BTBD8: variants seen among roughly 807,000 people sequenced by gnomAD.
BTBD8 encodes BTB/POZ domain-containing protein 8.
In BTBD8, 110 loss-of-function variants were observed where a neutral mutation model predicts 162.9. The observed-to-expected ratio is 0.68, with a 90% CI of 0.58 to 0.79. The LOEUF is 0.79. Ranked by LOEUF, BTBD8 falls within the 30% of genes least tolerant of loss-of-function variation. The pLI is 0.00. For synonymous variants in BTBD8, 667 were observed against 716.1 expected (o/e 0.93, Z 1.10); for missense variants, 1,905 against 2,085.4 (o/e 0.91, Z 1.68).
At chr1:92,177,598 CAA>C in intron 14 of BTBD8, 52 bp downstream of exon 14, 1 of 1,238,238 alleles carries the variant, frequency 8.1e-7, no homozygotes, top group Non-Finnish European at 1.1e-6. Flanking sequence ...AAATTTCCTT[CAA>C]AAAACAAAAA....
chr1:92,145,694 T>C (rs560384478), intron 7 of BTBD8, among the ~76,000 whole-genome samples: 3 of 152,106 alleles, frequency 2.0e-5, no homozygotes, highest in Non-Finnish European at 4.4e-5. Flanking sequence ...AAAAATACCT[T>C]ACGTAGGCCG....
rs1235014364 is a variant in BTBD8 at position 92,178,315 on chromosome 1, A to G, written c.2445A>G (p.Val815=). The change falls in exon 16 of 18, where the codon GTA becomes GTG. Residue 815 remains valine, a synonymous_variant. Transcript: ENST00000636805. Reference sequence around the variant, plus strand: ...GAATGCAAATAATTTTTTTTAGTGTACTAAAGAAAGTCAGTGGCAAAGGAT... The same window carrying G: ...GAATGCAAATAATTTTTTTTAGTGTGCTAAAGAAAGTCAGTGGCAAAGGAT... ...HEQDTNVNNS[V]LKKVSGKGCS... is the part of the protein sequence containing the mutation. 6 of 1,548,982 alleles carry G rather than the reference A, an allele frequency of 3.9e-6. No homozygotes were observed. Among genetic ancestry groups the G allele is most frequent in the Non-Finnish European group, 5.2e-6 (6 of 1,146,128 alleles).
chr1:92,091,450 C>T (rs1341774133), intron 2 of BTBD8, among the ~76,000 whole-genome samples: 2 of 151,042 alleles, frequency 1.3e-5, no homozygotes, highest in Admixed American at 6.6e-5. Context: ...CTAATACACT[C>T]GTGTGTGTGT....
chr1:92,083,164 A>G (rs960843418), intron 1 of BTBD8, among the ~76,000 whole-genome samples: 1 of 151,514 alleles, frequency 6.6e-6, no homozygotes, highest in Non-Finnish European at 1.5e-5. Flanking sequence ...TGGTGGAGTC[A>G]GAATAAGAAC....
intron 5 of BTBD8, among the ~76,000 whole-genome samples, chr1:92,137,109 A>G (rs1649653941): frequency 6.6e-6 from 1 of 152,218 alleles, no homozygotes. Flanking sequence ...CAGGTATAGA[A>G]AATGAGTAAG....
Position 92,178,340 on chromosome 1 carries a change from T to C in BTBD8, c.2470T>C (p.Cys824Arg), listed in dbSNP as rs1650782949. Residue 824 changes from cysteine to arginine, a missense_variant, in exon 16 of 18, where the codon TGT (cysteine) becomes CGT (arginine). Coordinates refer to ENST00000636805, the MANE Select transcript of BTBD8 (RefSeq NM_001376131.1). Reference sequence around the variant, plus strand: ...ACTAAAGAAAGTCAGTGGCAAAGGATGTAGTGAGCCAGTACCACAGGCAAT... The same window carrying C: ...ACTAAAGAAAGTCAGTGGCAAAGGACGTAGTGAGCCAGTACCACAGGCAAT... ...SVLKKVSGKGCSEPVPQAILK... is the reference protein window; with the variant it reads ...SVLKKVSGKGRSEPVPQAILK... The C allele has an allele frequency of 6.4e-7, 1 of 1,551,326 alleles. No individual in the cohort carries two copies. The highest frequency in any genetic ancestry group is 1.4e-5 in the African/African-American group (1 of 73,024).
At chr1:92,100,700 C>G (rs955875217) in intron 2 of BTBD8, among the ~76,000 whole-genome samples, 1 of 152,016 alleles carries the variant, frequency 6.6e-6, no homozygotes, top group Admixed American at 6.6e-5. Context: ...AGCTCTGCCT[C>G]CTGGGTTCAA....
chr1:92,093,913 A>T (rs2101896826), intron 2 of BTBD8, among the ~76,000 whole-genome samples: 1 of 152,346 alleles, frequency 6.6e-6, no homozygotes, highest in Admixed American at 6.5e-5. Flanking sequence ...CATAGATCAA[A>T]TTTTTATACA....
intron 5 of BTBD8, 55 bp downstream of exon 5, chr1:92,129,831 A>C: frequency 7.0e-7 from 1 of 1,430,222 alleles, no homozygotes; most frequent in Non-Finnish European, 9.9e-7. Flanking sequence ...ATTGTATTTC[A>C]TACAAAGCAC....
intron 4 of BTBD8, among the ~76,000 whole-genome samples, chr1:92,121,271 T>A (rs1649203154): frequency 6.6e-6 from 1 of 152,232 alleles, no homozygotes; most frequent in African/African-American, 2.4e-5. Context: ...TATTTCGTGC[T>A]GAATTCAGTT....
At chr1:92,168,487 A>G (rs1309229280) in intron 11 of BTBD8, among the ~76,000 whole-genome samples, 1 of 152,274 alleles carries the variant, frequency 6.6e-6, no homozygotes, top group East Asian at 1.9e-4. Context: ...TTAATTAGGT[A>G]ATTACAAATT....
intron 3 of BTBD8, among the ~76,000 whole-genome samples, chr1:92,104,567 A>C (rs904612259): frequency 2.0e-5 from 3 of 152,156 alleles, no homozygotes; most frequent in Non-Finnish European, 4.4e-5. Context: ...CTCTATGGCA[A>C]CCCTTTAAAA....
chr1:92,179,966 C>T (rs1650836170), intron 16 of BTBD8, among the ~76,000 whole-genome samples: 1 of 151,952 alleles, frequency 6.6e-6, no homozygotes, highest in South Asian at 2.1e-4. Context: ...TATATTTTTG[C>T]AAATCCAGTT....
At chr1:92,124,945 T>G (rs1649313315) in intron 4 of BTBD8, among the ~76,000 whole-genome samples, 1 of 152,132 alleles carries the variant, frequency 6.6e-6, no homozygotes, top group South Asian at 2.1e-4. Context: ...AATTTAGAGT[T>G]GTCCCTATTT....
At chr1:92,127,316 G>C (rs1054230903) in intron 4 of BTBD8, among the ~76,000 whole-genome samples, 3 of 152,126 alleles carry the variant, frequency 2.0e-5, no homozygotes, top group Non-Finnish European at 2.9e-5. Context: ...CTACACTCCT[G>C]GTTGTTAATT....
intron 2 of BTBD8, among the ~76,000 whole-genome samples, chr1:92,091,477 G>A (rs140765906): frequency 1.6e-3 from 239 of 152,180 alleles, no homozygotes; most frequent in African/African-American, 5.5e-3. Flanking sequence ...GTGTATGTGT[G>A]TGTGTATGTA....
Position 92,149,238 on chromosome 1 carries a change from G to A in BTBD8, c.1122+1452G>A, listed in dbSNP as rs376985373. ...TTTTCCTCCTACTGTCTCATTCCCC[G>A]TCATCTAATATAAGACATGTTAATA... is the stretch of plus-strand genomic sequence containing the variant. On this transcript the variant is annotated intron_variant, in intron 9 of 17. Coordinates refer to ENST00000636805, the MANE Select transcript of BTBD8 (RefSeq NM_001376131.1). 2.5e-3 allele frequency among the ~76,000 whole-genome samples: 387 copies of A among 151,998 alleles called. 12 individuals are homozygous for A. Among genetic ancestry groups the A allele is most frequent in the Middle Eastern group, 3.4e-3 (1 of 294 alleles).
intron 2 of BTBD8, among the ~76,000 whole-genome samples, chr1:92,096,818 A>G (rs1245328874): frequency 1.3e-5 from 2 of 152,148 alleles, no homozygotes; most frequent in South Asian, 2.1e-4. Flanking sequence ...GATTACAGGT[A>G]TGAGCCATAG....
intron 9 of BTBD8, among the ~76,000 whole-genome samples, chr1:92,157,887 A>G (rs142663428): frequency 0.012 from 1,753 of 152,282 alleles, 18 homozygotes; most frequent in Middle Eastern, 0.02. Flanking sequence ...CTTCAGATCT[A>G]TTAATACTTG....
Sources: gnomAD v4.1 joint callset for allele counts (sites outside exome capture counted in the v4.1 genomes callset) on GRCh38, gnomAD v4.1.1 for gene constraint, MANE v1.5 for transcripts, NCBI Gene and HGNC (gene_info 2026-07-23, HGNC 2026-07-21) for gene names.